VWA3A: variants seen among roughly 807,000 people sequenced by gnomAD.
The protein encoded by VWA3A is von Willebrand factor A domain containing 3A, also known as von Willebrand factor A domain-containing protein 3A.
A neutral mutation model predicts 160.4 loss-of-function variants in VWA3A; 134 were observed. The ratio of observed to expected loss-of-function variants is 0.84; its 90% confidence interval spans 0.73 to 0.96. The LOEUF (loss-of-function observed/expected upper bound fraction) is 0.96, where lower values mean the gene tolerates loss of function less well. Ranked by LOEUF, VWA3A falls within the 40% of genes least tolerant of loss-of-function variation. The probability of loss-of-function intolerance (pLI) is 0.00; values close to 1 mark genes in which losing one functional copy is unlikely to be tolerated. For synonymous variants in VWA3A, 476 were observed against 543.4 expected, an observed-to-expected ratio of 0.88 and a Z score of 1.72; for missense variants, 1,310 against 1,447.9, an observed-to-expected ratio of 0.90 and a Z score of 1.55.
intron 8 of VWA3A, 25 bp from the exon 9 acceptor site, chr16:22,115,322 G>A (rs753899015): frequency 1.3e-6 from 2 of 1,564,170 alleles, no homozygotes; most frequent in Admixed American, 2.0e-5. Context: ...CTTATAATTA[G>A]GTTGCTGTTG....
chr16:22,132,773 C>CTT (rs2045971167), intron 19 of VWA3A, 127 bp from the exon 20 acceptor site: 1 of 871,494 alleles, frequency 1.1e-6, no homozygotes, highest in East Asian at 2.6e-5. Context: ...TCTTTCCATC[C>CTT]TTGTGCCAAG....
intron 31 of VWA3A, among the ~76,000 whole-genome samples, chr16:22,154,323 C>CTTTTTTTTTTT (rs988862954): frequency 3.4e-4 from 25 of 73,896 alleles, no homozygotes; most frequent in East Asian, 4.5e-4. Context: ...TTTTCTTTTT[C>CTTTTTTTTTTT]TTTTTTTTTT....
At chr16:22,148,116 G>C in intron 27 of VWA3A, 46 bp from the exon 28 acceptor site, 1 of 1,537,172 alleles carries the variant, frequency 6.5e-7, no homozygotes, top group Non-Finnish European at 8.8e-7. Context: ...CAGGAGGAGG[G>C]ACCCCTCACT....
At position 22,110,949 on chromosome 16, in the gene VWA3A, A is replaced by G; in HGVS notation, c.644A>G (p.Asn215Ser). The G allele has an allele frequency of 6.2e-7, 1 of 1,610,736 alleles. No individual in the cohort carries two copies. The highest frequency in any genetic ancestry group is 8.5e-7 in the Non-Finnish European group (1 of 1,178,634). The change falls in exon 8 of 34, where the codon AAT becomes AGT. Residue 215 changes from asparagine (N) to serine (S), a missense_variant. Physicochemically the swap from Asn to Ser is conservative, Grantham distance 46. Transcript: ENST00000389398. ...CTGTTTGTCCTGTCCTTTGGCACCA[A>G]TGCCGGGTCCCTCTGGCCAGACCCC... is the stretch of plus-strand genomic sequence containing the variant. ...EKLFVLSFGT[N>S]AGSLWPDPME...
intron 31 of VWA3A, among the ~76,000 whole-genome samples, chr16:22,153,766 G>A (rs1240083867): frequency 6.8e-6 from 1 of 146,076 alleles, no homozygotes; most frequent in African/African-American, 2.6e-5. Context: ...TTGAGACAGG[G>A]TCTCATTCTG....
rs777161919 is a variant in VWA3A, at chr16:22,126,195, A to G, written c.1550A>G (p.Asp517Gly). The G allele has an allele frequency of 1.2e-6, 2 of 1,613,896 alleles. No individual in the cohort carries two copies. Among genetic ancestry groups the G allele is most frequent in the Admixed American group, 1.7e-5 (1 of 59,988 alleles). ...CCTTTTAGGGTGGTTGTACTGCTCG[A>G]TATCTCTGCGACCAATTCCATGTAC... The part of the protein sequence containing the change: ...VCEKRVVVLL[D>G]ISATNSMYII... The change falls in exon 17 of 34, where the codon GAT becomes GGT. Residue 517 changes from aspartate to glycine, a missense_variant. Asp to Gly is a moderately conservative substitution (Grantham distance 94). Transcript: ENST00000389398.
Position 22,097,691 on chromosome 16 carries a change from TACTGGTAAAGACC to T in VWA3A, c.223_225+10del, listed in dbSNP as rs1176704945. ...ACACATGTTAACCAGACACAGGACT[TACTGGTAAAGACC>T]ATGGCACTTTAACTGGGTCGTGATA... On this transcript the variant is annotated splice_donor_variant and splice_donor_5th_base_variant and coding_sequence_variant and intron_variant, in exon 3 of 34. Transcript: ENST00000389398. LOFTEE classifies it high-confidence loss of function. 72 of 1,551,482 alleles carry T rather than the reference TACTGGTAAAGACC, an allele frequency of 4.6e-5. No homozygotes were observed. Among genetic ancestry groups the T allele is most frequent in the Admixed American group, 1.2e-4 (6 of 50,978 alleles).
chr16:22,135,255 A>G (rs2046019359), intron 21 of VWA3A, among the ~76,000 whole-genome samples: 1 of 152,152 alleles, frequency 6.6e-6, no homozygotes, highest in East Asian at 1.9e-4. Context: ...TCAAGGAGGC[A>G]GTCCTTGTCA....
chr16:22,133,027 A>G lies in VWA3A; in HGVS notation c.2000A>G (p.Asp667Gly), dbSNP rs761454324. Reference protein sequence around the residue: ...TPPARYASHTDTAAAYKEVTR... With the variant: ...TPPARYASHTGTAAAYKEVTR... ...CCTGCCCGCTATGCCAGTCACACTG[A>G]CACAGCCGCCGCCTACAAGGAGGTC... The change falls in exon 20 of 34, where the codon GAC (aspartate) becomes GGC (glycine). Residue 667 changes from aspartate to glycine, a missense_variant. Transcript: ENST00000389398. 9.9e-6 allele frequency: 16 copies of G among 1,613,950 alleles called. No homozygotes were observed. Among genetic ancestry groups the G allele is most frequent in the Admixed American group, 6.7e-5 (4 of 60,002 alleles).
At chr16:22,142,889 A>G (rs905565075) in intron 25 of VWA3A, 124 bp downstream of exon 25, 30 of 717,536 alleles carry the variant, frequency 4.2e-5, no homozygotes, top group East Asian at 1.6e-4. Flanking sequence ...AGTGACTCAC[A>G]CCTGTAATCC....
chr16:22,100,117 TG>T, intron 3 of VWA3A, 76 bp from the exon 4 acceptor site: 1 of 1,453,200 alleles, frequency 6.9e-7, no homozygotes, highest in Non-Finnish European at 9.1e-7. Context: ...TGGCGCCCGT[TG>T]GGTATCTGTG....
intron 19 of VWA3A, 53 bp from the exon 20 acceptor site, chr16:22,132,847 A>C (rs1424320489): frequency 1.3e-6 from 2 of 1,564,148 alleles, no homozygotes; most frequent in East Asian, 4.5e-5. Flanking sequence ...CCAGAGCCCC[A>C]CAGCTTCAAG....
intron 19 of VWA3A, among the ~76,000 whole-genome samples, chr16:22,132,344 T>C (rs1046289543): frequency 2.0e-5 from 3 of 149,832 alleles, no homozygotes; most frequent in Middle Eastern, 3.2e-3. Flanking sequence ...ATCACACCAT[T>C]GCACTCCAGC....
At chr16:22,145,020 G>A (rs1228254540) in intron 26 of VWA3A, among the ~76,000 whole-genome samples, 2 of 152,176 alleles carry the variant, frequency 1.3e-5, no homozygotes, top group East Asian at 3.8e-4. Context: ...ACTGATGATG[G>A]TTCTGTTATG....
At chr16:22,135,447 G>T (rs966240356) in intron 21 of VWA3A, among the ~76,000 whole-genome samples, 1 of 152,112 alleles carries the variant, frequency 6.6e-6, no homozygotes, top group African/African-American at 2.4e-5. Context: ...AATTACATCT[G>T]CAAAGACCCT....
At chr16:22,104,554 C>T (rs1158259375) in intron 6 of VWA3A, among the ~76,000 whole-genome samples, 1 of 152,108 alleles carries the variant, frequency 6.6e-6, no homozygotes, top group Non-Finnish European at 1.5e-5. Flanking sequence ...TGGTGCACAC[C>T]TGTAGTCCCA....
intron 5 of VWA3A, among the ~76,000 whole-genome samples, chr16:22,103,177 G>A (rs892629728): frequency 4.6e-5 from 7 of 152,042 alleles, no homozygotes; most frequent in Admixed American, 4.6e-4. Context: ...GGGACTACAG[G>A]CATGCACCAC....
intron 27 of VWA3A, 149 bp downstream of exon 27, chr16:22,146,493 A>C: frequency 3.0e-6 from 2 of 659,432 alleles, no homozygotes; most frequent in Non-Finnish European, 2.5e-6. Context: ...CACATACAAC[A>C]TGACACTGGG....
At chr16:22,116,888 G>T in intron 10 of VWA3A, 21 bp downstream of exon 10, 1 of 1,605,084 alleles carries the variant, frequency 6.2e-7, no homozygotes, top group South Asian at 1.1e-5. Flanking sequence ...GAGATTCTCT[G>T]AGGTGCCCCT....
Sources: gnomAD v4.1 joint callset for allele counts (sites outside exome capture counted in the v4.1 genomes callset) on GRCh38, gnomAD v4.1.1 for gene constraint, MANE v1.5 for transcripts, NCBI Gene and HGNC (gene_info 2026-07-23, HGNC 2026-07-21) for gene names.